Variants in GRM8 observed in about 807,000 individuals in gnomAD.
The protein encoded by GRM8 is glutamate metabotropic receptor 8, also known as metabotropic glutamate receptor 8.
GRM8 carries 47 observed loss-of-function variants against 87.2 expected under a neutral mutation model. The observed-to-expected ratio is 0.54, with a 90% confidence interval of 0.43 to 0.69. The LOEUF (loss-of-function observed/expected upper bound fraction) is 0.69, where lower values mean the gene tolerates loss of function less well. Ranked by LOEUF, GRM8 falls within the 30% of genes least tolerant of loss-of-function variation. The probability of loss-of-function intolerance (pLI) is 0.00; values close to 1 mark genes in which losing one functional copy is unlikely to be tolerated. For missense variants in GRM8, 1,019 were observed against 1,139.2 expected (o/e 0.89, Z 1.52); for synonymous variants, 396 against 404.5 (o/e 0.98, Z 0.25).
intron 9 of GRM8, among the ~76,000 whole-genome samples, chr7:126,500,902 A>G (rs1447234546): frequency 1.3e-5 from 2 of 151,980 alleles, no homozygotes; most frequent in Non-Finnish European, 2.9e-5. Context: ...GTAGACCATT[A>G]AGCTATTTGC....
At chr7:126,878,676 T>A (rs1382651076) in intron 6 of GRM8, among the ~76,000 whole-genome samples, 2 of 151,950 alleles carry the variant, frequency 1.3e-5, no homozygotes, top group Non-Finnish European at 2.9e-5. Context: ...CCCGCCATCA[T>A]GCCTGGCTAA....
At chr7:127,029,216 T>C (rs1037053101) in intron 3 of GRM8, among the ~76,000 whole-genome samples, 4 of 152,178 alleles carry the variant, frequency 2.6e-5, no homozygotes, top group Admixed American at 1.3e-4. Context: ...TGTTATGATT[T>C]CTCTTCTTTT....
intron 6 of GRM8, among the ~76,000 whole-genome samples, chr7:126,868,296 C>T (rs977453132): frequency 1.3e-5 from 2 of 152,194 alleles, no homozygotes; most frequent in African/African-American, 2.4e-5. Context: ...AAGAGTGGGC[C>T]AGTGTGGACT....
chr7:126,675,860 T>C (rs991163305), intron 7 of GRM8, among the ~76,000 whole-genome samples: 2 of 152,220 alleles, frequency 1.3e-5, no homozygotes, highest in African/African-American at 4.8e-5. Flanking sequence ...TCACCACTTC[T>C]GTTCAACAGA....
At chr7:127,193,734 A>G (rs2116502697) in intron 2 of GRM8, among the ~76,000 whole-genome samples, 1 of 152,346 alleles carries the variant, frequency 6.6e-6, no homozygotes, top group Middle Eastern at 3.4e-3. Flanking sequence ...AAGATGGAAA[A>G]AAATACTCTC....
At chr7:127,034,326 T>C (rs1199350979) in intron 3 of GRM8, among the ~76,000 whole-genome samples, 2 of 152,158 alleles carry the variant, frequency 1.3e-5, no homozygotes, top group South Asian at 2.1e-4. Context: ...TTTATATAGC[T>C]TGTAACAACC....
In GRM8 at chr7:126,778,324, G is replaced by A. The variant is rs117237284; in HGVS notation, c.1157-8259C>T. Among the ~76,000 whole-genome samples the A allele has an allele frequency of 2.0e-5, 3 of 152,244 alleles. No homozygotes were observed. In the East Asian group the frequency reaches 5.8e-4, roughly 29 times the overall value. Reference sequence around the variant, plus strand: ...CAGTTCACAATAACATCTCTCCTTTGTGCCTGGCAGGAAATAGAAAGTGCT... The same window carrying A: ...CAGTTCACAATAACATCTCTCCTTTATGCCTGGCAGGAAATAGAAAGTGCT... On this transcript the variant is annotated intron_variant, in intron 6 of 10. Transcript: ENST00000339582.
At chr7:126,449,084 T>C (rs79696965) in intron 9 of GRM8, among the ~76,000 whole-genome samples, 3,269 of 151,912 alleles carry the variant, frequency 0.022, 60 homozygotes, top group Non-Finnish European at 0.029. Context: ...TCCACAACCT[T>C]ACAGTGGCCT....
chr7:126,735,525 T>C (rs538093531), intron 7 of GRM8, among the ~76,000 whole-genome samples: 1 of 152,222 alleles, frequency 6.6e-6, no homozygotes, highest in South Asian at 2.1e-4. Flanking sequence ...AGAGTAGCTA[T>C]CAAGAATCTT....
intron 6 of GRM8, among the ~76,000 whole-genome samples, chr7:126,837,066 A>T (rs998819813): frequency 1.9e-4 from 29 of 151,474 alleles, no homozygotes; most frequent in East Asian, 9.7e-4. Context: ...TTAAGACATT[A>T]TTTTTTTTTC....
chr7:127,156,622 C>T (rs1792747774), intron 2 of GRM8, among the ~76,000 whole-genome samples: 1 of 152,172 alleles, frequency 6.6e-6, no homozygotes, highest in Non-Finnish European at 1.5e-5. Context: ...GGCTCTGGCT[C>T]TTCCTCTATA....
At chr7:126,593,968 C>T (rs1460612675) in intron 8 of GRM8, among the ~76,000 whole-genome samples, 4 of 151,878 alleles carry the variant, frequency 2.6e-5, no homozygotes, top group Admixed American at 2.6e-4. Flanking sequence ...AGAAGACATA[C>T]AAATAGACAA....
At chr7:126,803,750 G>A (rs1459738063) in intron 6 of GRM8, among the ~76,000 whole-genome samples, 1 of 152,172 alleles carries the variant, frequency 6.6e-6, no homozygotes, top group Non-Finnish European at 1.5e-5. Context: ...GTATCAAACA[G>A]CCATGAATTT....
At chr7:126,453,070 A>AACACACACAC (rs71177555) in intron 9 of GRM8, among the ~76,000 whole-genome samples, 9 of 145,948 alleles carry the variant, frequency 6.2e-5, no homozygotes, top group African/African-American at 1.8e-4. Flanking sequence ...TTATAGCAGA[A>AACACACACAC]ACACACACAC....
intron 7 of GRM8, among the ~76,000 whole-genome samples, chr7:126,740,673 C>G (rs866863568): frequency 2.6e-5 from 4 of 152,214 alleles, no homozygotes; most frequent in Middle Eastern, 3.4e-3. Context: ...TCTATCATTT[C>G]TGACATGAAC....
chr7:126,808,931 T>C (rs923978554), intron 6 of GRM8, among the ~76,000 whole-genome samples: 7 of 152,188 alleles, frequency 4.6e-5, no homozygotes, highest in East Asian at 1.9e-4. Flanking sequence ...ACCACAAACA[T>C]AGTGGCTTAA....
intron 8 of GRM8, among the ~76,000 whole-genome samples, chr7:126,545,807 T>C (rs1817086358): frequency 6.6e-6 from 1 of 152,160 alleles, no homozygotes; most frequent in Non-Finnish European, 1.5e-5. Context: ...ATTCTGCAAA[T>C]TTTCAGAATA....
Position 127,135,293 on chromosome 7 carries a change from A to T in GRM8, c.511-28581T>A, listed in dbSNP as rs1204435693. On this transcript the variant is annotated intron_variant, in intron 2 of 10. Coordinates refer to ENST00000339582, the MANE Select transcript of GRM8 (RefSeq NM_000845.3). ...TATAAATAAATCTGAGCTTTGTGTAAAACTAATTATAAATCTTTTTTTCAC... is the reference window on the plus strand; with the variant it reads ...TATAAATAAATCTGAGCTTTGTGTATAACTAATTATAAATCTTTTTTTCAC... Among the ~76,000 whole-genome samples the T allele has an allele frequency of 2.0e-5, 3 of 152,260 alleles. No individual in the cohort carries two copies. The East Asian group carries it at 5.8e-4, about 29-fold the overall frequency.
At chr7:126,520,344 A>C (rs1261289032) in intron 9 of GRM8, among the ~76,000 whole-genome samples, 1 of 152,176 alleles carries the variant, frequency 6.6e-6, no homozygotes, top group African/African-American at 2.4e-5. Context: ...GACCATTTTA[A>C]ACATGATACA....
Sources: gnomAD v4.1 joint callset for allele counts (sites outside exome capture counted in the v4.1 genomes callset) on GRCh38, gnomAD v4.1.1 for gene constraint, MANE v1.5 for transcripts, NCBI Gene and HGNC (gene_info 2026-07-23, HGNC 2026-07-21) for gene names.